Variants in IQSEC1 observed in about 807,000 individuals in gnomAD.
IQSEC1 encodes IQ motif and SEC7 domain-containing protein 1.
IQSEC1 carries 31 observed loss-of-function variants against 91.0 expected under a neutral mutation model. That is an observed-to-expected ratio of 0.34 (90% CI 0.26 to 0.46). The LOEUF (loss-of-function observed/expected upper bound fraction) is 0.46, where lower values mean the gene tolerates loss of function less well. IQSEC1 is among the 20% of genes least tolerant of loss of function. The pLI, the probability that IQSEC1 is intolerant of heterozygous loss-of-function variation, is 1.00. For missense variants in IQSEC1, 1,388 were observed against 1,575.6 expected, an observed-to-expected ratio of 0.88 and a Z score of 2.02; for synonymous variants, 699 against 662.6, an observed-to-expected ratio of 1.05 and a Z score of -0.84.
intron 1 of IQSEC1, among the ~76,000 whole-genome samples, chr3:13,046,459 T>A (rs986746090): frequency 6.6e-6 from 1 of 152,196 alleles, no homozygotes; most frequent in Non-Finnish European, 1.5e-5. Context: ...TCAGAGTCGG[T>A]CGCTCTGACA....
chr3:12,957,687 C>T (rs990420888), intron 1 of IQSEC1, among the ~76,000 whole-genome samples: 3 of 152,244 alleles, frequency 2.0e-5, no homozygotes, highest in Non-Finnish European at 4.4e-5. Context: ...ATGGCCCGCC[C>T]TGCCAGCCAG....
chr3:13,277,873 C>G (rs1402080243), intron 1 of IQSEC1, among the ~76,000 whole-genome samples: 1 of 152,138 alleles, frequency 6.6e-6, no homozygotes, highest in African/African-American at 2.4e-5. Flanking sequence ...TGCCCTCAGC[C>G]CCCCGCCCCT....
Position 12,908,004 on chromosome 3 carries a change from G to C in IQSEC1, c.2755+345C>G, listed in dbSNP as rs1695165523. On this transcript the variant is annotated intron_variant, in intron 12 of 13. Coordinates refer to ENST00000613206, the MANE Select transcript of IQSEC1 (RefSeq NM_001134382.3). The surrounding 1 kb of genome is among the most constrained non-coding windows in gnomAD (Gnocchi z 4.9). ...AAGCACAGGGACGCGGCCGCACAGA[G>C]AGCACGGGACACAGCCGCCGGCTCA... 6.6e-6 allele frequency among the ~76,000 whole-genome samples: 1 copy of C among 152,190 alleles called. No individual in the cohort carries two copies. Among genetic ancestry groups the C allele is most frequent in the Non-Finnish European group, 1.5e-5 (1 of 68,024 alleles).
intron 3 of IQSEC1, among the ~76,000 whole-genome samples, chr3:12,930,895 G>A (rs1697613625): frequency 6.6e-6 from 1 of 152,120 alleles, no homozygotes; most frequent in African/African-American, 2.4e-5. Context: ...CATTCGGAGA[G>A]TCCCTGCACA....
rs1358735008 is a variant in IQSEC1 at position 13,282,389 on chromosome 3, CG to C, written c.272+321del. ...TCCGCTCCCCGGACAGACCTCCGCC[CG>C]GCTCGTCCGAGCCCCGGGGGTCGCC... On this transcript the variant is annotated intron_variant, in intron 1 of 15. Coordinates refer to the IQSEC1 transcript ENST00000648114. This position sits in a 1 kb window ranked among gnomAD's most constrained non-coding sequence, Gnocchi z 6.4. Among the ~76,000 whole-genome samples the C allele has an allele frequency of 2.6e-5, 4 of 152,146 alleles. No individual in the cohort carries two copies. The highest frequency in any genetic ancestry group is 5.9e-5 in the Non-Finnish European group (4 of 67,996).
At chr3:13,221,629 A>G (rs1392705079) in intron 1 of IQSEC1, among the ~76,000 whole-genome samples, 1 of 146,458 alleles carries the variant, frequency 6.8e-6, no homozygotes, top group African/African-American at 2.5e-5. Context: ...CCAGGGCCCC[A>G]GGAACAGACG....
Position 13,193,091 on chromosome 3 carries a change from T to C in IQSEC1, c.273-28958A>G, listed in dbSNP as rs979184763. On this transcript the variant is annotated intron_variant, in intron 1 of 15. Transcript: ENST00000648114. The surrounding 1 kb of genome is among the most constrained non-coding windows in gnomAD (Gnocchi z 4.2). ...CCCTAGTGGCCAGACAGGAACCCAGTTGCAGCAGGGATGGGCAGTGTCTTT... is the reference window on the plus strand; with the variant it reads ...CCCTAGTGGCCAGACAGGAACCCAGCTGCAGCAGGGATGGGCAGTGTCTTT... Among the ~76,000 whole-genome samples, 23 of 152,202 alleles carry C rather than the reference T, an allele frequency of 1.5e-4. No homozygotes were observed. The highest frequency in any genetic ancestry group is 1.2e-3 in the Admixed American group (19 of 15,290).
intron 2 of IQSEC1, among the ~76,000 whole-genome samples, chr3:13,136,954 T>C (rs765902187): frequency 6.6e-5 from 10 of 152,030 alleles, no homozygotes; most frequent in Non-Finnish European, 1.2e-4. Flanking sequence ...CTGGGCAACA[T>C]AGTGAGACCC....
chr3:13,184,008 T>G (rs1693890968), intron 1 of IQSEC1, among the ~76,000 whole-genome samples: 1 of 152,248 alleles, frequency 6.6e-6, no homozygotes, highest in Non-Finnish European at 1.5e-5. Flanking sequence ...GAAATAGAAT[T>G]TGTAGTTGAA....
At chr3:13,195,059 C>G (rs1694102019) in intron 1 of IQSEC1, among the ~76,000 whole-genome samples, 1 of 152,178 alleles carries the variant, frequency 6.6e-6, no homozygotes, top group East Asian at 1.9e-4. Context: ...GACGATAAGG[C>G]ATGCTACTGA....
chr3:13,281,074 C>T (rs1009103761), intron 1 of IQSEC1, among the ~76,000 whole-genome samples: 2 of 152,244 alleles, frequency 1.3e-5, no homozygotes, highest in African/African-American at 4.8e-5. Flanking sequence ...GAAGCCATTC[C>T]CCAGGGTGGT....
rs1696937700 is a variant in IQSEC1 at position 12,924,514 on chromosome 3, G to A, written c.1730+67C>T. 1.1e-5 allele frequency: 16 copies of A among 1,477,980 alleles called. No individual in the cohort carries two copies. In the East Asian group the frequency reaches 2.0e-4, roughly 18 times the overall value. The allele number at this position is 1,477,980 out of a possible 1,614,324, so 91.6% of individuals were successfully genotyped here. On this transcript the variant is annotated intron_variant, in intron 4 of 13. Transcript: ENST00000613206. This position sits in a 1 kb window ranked among gnomAD's most constrained non-coding sequence, Gnocchi z 6.3. ...TGGGCCTGGCCCTGTGTGTGCCCAC[G>A]GGTAACACAGGGTGCGTGAGGGCGT... is the stretch of plus-strand genomic sequence containing the variant.
chr3:12,972,056 CAGTTATGGATTGGACTGGAACCA>C (rs1333911066), intron 1 of IQSEC1, among the ~76,000 whole-genome samples: 14 of 150,312 alleles, frequency 9.3e-5, no homozygotes, highest in African/African-American at 3.2e-4. Flanking sequence ...AACAAAAGGC[CAGTTATGGATTGGACTGGAACCA>C]ATGCAATTTT....
At chr3:13,027,195 C>G (rs2124996296) in intron 1 of IQSEC1, among the ~76,000 whole-genome samples, 1 of 152,274 alleles carries the variant, frequency 6.6e-6, no homozygotes, top group South Asian at 2.1e-4. Context: ...GTCCAGGGTG[C>G]TGAGAGCGTT....
At chr3:13,237,523 C>G (rs1022404985) in intron 1 of IQSEC1, among the ~76,000 whole-genome samples, 1 of 152,218 alleles carries the variant, frequency 6.6e-6, no homozygotes, top group African/African-American at 2.4e-5. Flanking sequence ...ACAGGGCACT[C>G]TGAACCGGTG....
chr3:12,900,460 T>C lies in IQSEC1; in HGVS notation c.*523A>G. 1.4e-6 allele frequency: 1 copy of C among 695,568 alleles called. No individual in the cohort carries two copies. The highest frequency in any genetic ancestry group is 1.8e-6 in the Non-Finnish European group (1 of 568,134). 43.1% of individuals were successfully genotyped at this position (695,568 alleles called of 1,614,324 possible). A position where few individuals can be genotyped will look rare whatever the true frequency, so the allele number is the denominator to read the frequency against. On this transcript the variant is annotated 3_prime_UTR_variant, in exon 14 of 14. Transcript: ENST00000613206. ...AAGTACTACCTATACAGTATATATA[T>C]ATATATATTTATATATTTATATATT... is the stretch of plus-strand genomic sequence containing the variant.
chr3:13,006,077 CA>C (rs1478378503), intron 1 of IQSEC1, among the ~76,000 whole-genome samples: 3 of 152,328 alleles, frequency 2.0e-5, no homozygotes, highest in African/African-American at 7.2e-5. Context: ...TGTGAAATAA[CA>C]GCCCAGCAAA....
At chr3:13,151,136 G>A (rs1706991513) in intron 2 of IQSEC1, among the ~76,000 whole-genome samples, 1 of 152,246 alleles carries the variant, frequency 6.6e-6, no homozygotes, top group African/African-American at 2.4e-5. Flanking sequence ...CACGCTGGAA[G>A]GACAGCTTGG....
chr3:12,961,721 C>T (rs1210698871), intron 1 of IQSEC1, among the ~76,000 whole-genome samples: 1 of 152,226 alleles, frequency 6.6e-6, no homozygotes, highest in Non-Finnish European at 1.5e-5. Flanking sequence ...CTTCTCGGGC[C>T]TAAAACATCA....
Sources: gnomAD v4.1 joint callset for allele counts (sites outside exome capture counted in the v4.1 genomes callset) on GRCh38, gnomAD v4.1.1 for gene constraint, Gnocchi (gnomAD v3.1) non-coding constraint, MANE v1.5 for transcripts, NCBI Gene and HGNC (gene_info 2026-07-23, HGNC 2026-07-21) for gene names.